TMED4: variants seen among roughly 807,000 people sequenced by gnomAD.
TMED4 encodes the protein transmembrane emp24 domain-containing protein 4.
In TMED4, 19 loss-of-function variants were observed where a neutral mutation model predicts 26.5. The observed-to-expected ratio is 0.72, with a 90% CI of 0.50 to 1.05. The LOEUF is 1.05. Among genes scored for constraint, TMED4 ranks in the 50% least tolerant of loss-of-function variants. The probability of loss-of-function intolerance (pLI) is 0.00; values close to 1 mark genes in which losing one functional copy is unlikely to be tolerated. For synonymous variants in TMED4, 121 were observed against 119.8 expected, an observed-to-expected ratio of 1.01 and a Z score of -0.07; for missense variants, 303 against 302.5, an observed-to-expected ratio of 1.00 and a Z score of -0.01.
At position 44,581,803 on chromosome 7, in the gene TMED4, A is replaced by G; in HGVS notation, c.181T>C (p.Trp61Arg). ...MVIGNYRTQM[W>R]DKQKEVFLPS... ...AGGAAGACCTCCTTCTGCTTATCCC[A>G]CATCTGGGTACGATAGTTGCCTGCG... Residue 61 changes from tryptophan (W) to arginine (R), a missense_variant, in exon 2 of 5, where the codon TGG becomes CGG. Coordinates refer to ENST00000457408, the MANE Select transcript of TMED4 (RefSeq NM_182547.4). 5 of 1,614,098 alleles carry G rather than the reference A, an allele frequency of 3.1e-6. No homozygotes were observed. The highest frequency in any genetic ancestry group is 4.2e-6 in the Non-Finnish European group (5 of 1,180,012).
At position 44,581,490 on chromosome 7, in the gene TMED4, A is replaced by T. The variant is rs1802989817; in HGVS notation, c.346T>A (p.Ser116Thr). 1 of 1,614,110 alleles carries T rather than the reference A, an allele frequency of 6.2e-7. No individual in the cohort carries two copies. The highest frequency in any genetic ancestry group is 1.7e-5 in the Admixed American group (1 of 60,004). ...AAGAGAGCCATCCTGGTAGAATTGG[A>T]GTGCAGACAGATTTGATGGTCACCG... ...TPGDHQICLH[S>T]NSTRMALFAG... Residue 116 changes from serine (S) to threonine (T), a missense_variant, in exon 3 of 5, where the codon TCC (serine) becomes ACC (threonine). Coordinates refer to ENST00000457408, the MANE Select transcript of TMED4 (RefSeq NM_182547.4).
intron 1 of TMED4, 68 bp downstream of exon 1, chr7:44,581,979 G>C: frequency 6.6e-7 from 1 of 1,522,050 alleles, no homozygotes; most frequent in Admixed American, 2.2e-5. Context: ...GGCTGGGCTC[G>C]GGAGGAGGGA....
chr7:44,580,994 C>G, intron 4 of TMED4, 99 bp downstream of exon 4: 1 of 1,314,048 alleles, frequency 7.6e-7, no homozygotes, highest in Non-Finnish European at 1.1e-6. Flanking sequence ...CTTCTCATTC[C>G]ATTCTCTGCA....
chr7:44,581,813 A>G lies in TMED4; in HGVS notation c.171T>C (p.Arg57=). The change falls in exon 2 of 5, where the codon CGT becomes CGC. Residue 57 remains arginine, a synonymous_variant. Transcript: ENST00000457408. The part of the protein sequence containing the change: ...PDETMVIGNY[R]TQMWDKQKEV... ...CCTTCTGCTTATCCCACATCTGGGT[A>G]CGATAGTTGCCTGCGGGGCAGACAC... 2 of 1,614,166 alleles carry G rather than the reference A, an allele frequency of 1.2e-6. No individual in the cohort carries two copies. The highest frequency in any genetic ancestry group is 1.1e-5 in the South Asian group (1 of 91,090).
In TMED4 at chr7:44,578,879, A is replaced by AAAAAAAAAAAAAAC. The variant is rs1802893974; in HGVS notation, c.*599_*600insGTTTTTTTTTTTTT. On this transcript the variant is annotated 3_prime_UTR_variant, in exon 5 of 5. Transcript: ENST00000457408. ...CAAAACTCAAAAAAAAAAAAAAAAA[A>AAAAAAAAAAAAAAC]AAAAAAGGAAAAACAAAACCCAGAA... 1 of 147,184 alleles carries AAAAAAAAAAAAAAC rather than the reference A, an allele frequency of 6.8e-6. No individual in the cohort carries two copies. The allele number at this position is 147,184 out of a possible 1,614,324, so 9.1% of individuals were successfully genotyped here.
chr7:44,580,805 G>C (rs909991531), intron 4 of TMED4: 1 of 292,062 alleles, frequency 3.4e-6, no homozygotes, highest in Non-Finnish European at 6.6e-6. Context: ...AAATTAGCCA[G>C]GCATGGTGGC....
At chr7:44,579,798 A>C in intron 4 of TMED4, 170 bp from the exon 5 acceptor site, 1 of 530,524 alleles carries the variant, frequency 1.9e-6, no homozygotes, top group Non-Finnish European at 3.2e-6. Context: ...CAAGAAAGGG[A>C]CAGGCTGTCC....
In TMED4 at chr7:44,579,364, C is replaced by CCA. The variant is rs1249781877; in HGVS notation, c.*113_*114dup. On this transcript the variant is annotated 3_prime_UTR_variant, in exon 5 of 5. Coordinates refer to ENST00000457408, the MANE Select transcript of TMED4 (RefSeq NM_182547.4). Reference sequence around the variant, plus strand: ...ATCTGAATGGTTTGTGGCCATGGAACCAATGTGACTTATTCTTTTTCATTT... The same window carrying CCA: ...ATCTGAATGGTTTGTGGCCATGGAACCACAATGTGACTTATTCTTTTTCATTT... 13 of 1,202,922 alleles carry CCA rather than the reference C, an allele frequency of 1.1e-5. No homozygotes were observed. In the African/African-American group the frequency reaches 1.5e-4, roughly 14 times the overall value. 74.5% of individuals were successfully genotyped at this position (1,202,922 alleles called of 1,614,324 possible).
At chr7:44,581,956 G>C in intron 1 of TMED4, 91 bp downstream of exon 1, 2 of 1,529,238 alleles carry the variant, frequency 1.3e-6, no homozygotes, top group Non-Finnish European at 1.8e-6. Context: ...GGTACTGGGG[G>C]AGCCAGCGAC....
chr7:44,580,686 C>T (rs1802957593), intron 4 of TMED4: 1 of 182,412 alleles, frequency 5.5e-6, no homozygotes, highest in Admixed American at 5.6e-5. Flanking sequence ...GTAGCTCACA[C>T]CTGTAATCCC....
rs370809030 is a variant in TMED4, at chr7:44,581,065, C to G, written c.534+28G>C. ...AGTGGGTATAAAGGTCAACTGCCCT[C>G]TCAAATTACAAGGAGATATGCACTT... is the stretch of plus-strand genomic sequence containing the variant. On this transcript the variant is annotated intron_variant, in intron 4 of 4. Coordinates refer to ENST00000457408, the MANE Select transcript of TMED4 (RefSeq NM_182547.4). 1.4e-4 allele frequency: 225 copies of G among 1,613,480 alleles called. No individual in the cohort carries two copies. In the Middle Eastern group the frequency reaches 1.5e-3, roughly 11 times the overall value.
rs774976098 is a variant in TMED4, at chr7:44,579,551, G to A, written c.612C>T (p.Val204=). The A allele has an allele frequency of 3.1e-6, 5 of 1,614,054 alleles. No individual in the cohort carries two copies. Among genetic ancestry groups the A allele is most frequent in the Non-Finnish European group, 4.2e-6 (5 of 1,180,026 alleles). Residue 204 remains valine, a synonymous_variant, in exon 5 of 5, where the codon GTC becomes GTT. Transcript: ENST00000457408. ...GCCAGATGCCAGTGAGGATGAGGAT[G>A]ACAGTCTGAGCAATGGACCACCATA... is the stretch of plus-strand genomic sequence containing the variant. ...RVLWWSIAQT[V]ILILTGIWQM...
intron 1 of TMED4, 82 bp from the exon 2 acceptor site, chr7:44,581,905 C>G: frequency 6.3e-7 from 1 of 1,583,678 alleles, no homozygotes; most frequent in Non-Finnish European, 8.7e-7. Context: ...GCCCGGAGCT[C>G]TAGGCAGGGG....
chr7:44,581,981 G>A, intron 1 of TMED4, 66 bp downstream of exon 1: 12 of 1,524,138 alleles, frequency 7.9e-6, no homozygotes, highest in Non-Finnish European at 1.1e-5. Context: ...CTGGGCTCGG[G>A]AGGAGGGAGC....
Position 44,579,215 on chromosome 7 carries a change from T to C in TMED4, c.*264A>G, listed in dbSNP as rs1802905902. The C allele has an allele frequency of 9.8e-6, 3 of 304,602 alleles. No homozygotes were observed. In the South Asian group the frequency reaches 2.0e-4, roughly 20 times the overall value. 18.9% of individuals were successfully genotyped at this position (304,602 alleles called of 1,614,324 possible). A position where few individuals can be genotyped will look rare whatever the true frequency, so the allele number is the denominator to read the frequency against. On this transcript the variant is annotated 3_prime_UTR_variant, in exon 5 of 5. Coordinates refer to ENST00000457408, the MANE Select transcript of TMED4 (RefSeq NM_182547.4). ...TTAGTGAAAAACAGAGGAAAATCAC[T>C]CGAGGCAAAAGAAGCAGGACTGAGT... is the stretch of plus-strand genomic sequence containing the variant.
rs1802910736 is a variant in TMED4, at chr7:44,579,421, T to C, written c.*58A>G. The C allele has an allele frequency of 6.5e-7, 1 of 1,545,166 alleles. No individual in the cohort carries two copies. Among genetic ancestry groups the C allele is most frequent in the Non-Finnish European group, 8.8e-7 (1 of 1,135,098 alleles). ...CTAAAAATCCAGGTGGATAAAGGAC[T>C]GTGTGGGGAAAGTACCAAATAAATG... is the stretch of plus-strand genomic sequence containing the variant. On this transcript the variant is annotated 3_prime_UTR_variant, in exon 5 of 5. Transcript: ENST00000457408.
In TMED4 at chr7:44,582,208, G is replaced by C; in HGVS notation, c.-2C>G. 6.5e-7 allele frequency: 1 copy of C among 1,542,200 alleles called. No individual in the cohort carries two copies. The highest frequency in any genetic ancestry group is 8.7e-7 in the Non-Finnish European group (1 of 1,145,662). On this transcript the variant is annotated 5_prime_UTR_variant, in exon 1 of 5. Transcript: ENST00000457408. ...AGGCCCAGCCCCGACACCTGCCATC[G>C]CGCCTCAGCCCCTAAGCGCCTGCGC...
At chr7:44,581,004 A>C in intron 4 of TMED4, 89 bp downstream of exon 4, 1 of 1,398,790 alleles carries the variant, frequency 7.1e-7, no homozygotes, top group Admixed American at 1.8e-5. Context: ...CATTCTCTGC[A>C]GAGCTGATCT....
rs1802987545 is a variant in TMED4, at chr7:44,581,429, CAA to C, written c.387+18_387+19del. On this transcript the variant is annotated intron_variant, in intron 3 of 4. Transcript: ENST00000457408. ...CAAGTGAGAGATTCTAAGCTGAAGC[CAA>C]AGAGAAAATCCTCTTACCAGTTTGC... 7 of 1,614,064 alleles carry C rather than the reference CAA, an allele frequency of 4.3e-6. No homozygotes were observed. Among genetic ancestry groups the C allele is most frequent in the Non-Finnish European group, 4.2e-6 (5 of 1,180,036 alleles).
Sources: allele counts gnomAD v4.1 joint callset, GRCh38; gene constraint gnomAD v4.1.1; transcripts MANE v1.5; gene names NCBI Gene and HGNC (gene_info 2026-07-23, HGNC 2026-07-21).